ZNF749: variants seen among roughly 807,000 people sequenced by gnomAD.
ZNF749 encodes the protein zinc finger protein 749.
A neutral mutation model predicts 7.3 loss-of-function variants in ZNF749; 8 were observed. That is an observed-to-expected ratio of 1.10 (90% CI 0.64 to 1.98). The LOEUF (loss-of-function observed/expected upper bound fraction) is 1.98. ZNF749 is among the 30% of genes most tolerant of loss of function. The pLI is 0.00. For missense variants in ZNF749, 898 were observed against 932.4 expected, an observed-to-expected ratio of 0.96 and a Z score of 0.48; for synonymous variants, 310 against 322.4, an observed-to-expected ratio of 0.96 and a Z score of 0.41.
upstream of ZNF749, among the ~76,000 whole-genome samples, chr19:57,434,128 G>T (rs1250011077): frequency 6.6e-6 from 1 of 152,048 alleles, no homozygotes; most frequent in Non-Finnish European, 1.5e-5. Flanking sequence ...ACGGAGTTTC[G>T]CTCTTGTTGC....
In ZNF749 at chr19:57,442,182, A is replaced by G. The variant is rs1406527185; in HGVS notation, c.142+171A>G. On this transcript the variant is annotated intron_variant, in intron 2 of 2. Coordinates refer to ENST00000334181, the MANE Select transcript of ZNF749 (RefSeq NM_001023561.4). This position sits in a 1 kb window ranked among gnomAD's most constrained non-coding sequence, Gnocchi z 6.6. ...AGAGCTGGGCTGTGTATACTGTACC[A>G]CCTCCCCTTAAGCAGCCCCAGCTTC... is the stretch of plus-strand genomic sequence containing the variant. Among the ~76,000 whole-genome samples, 1 of 151,744 alleles carries G rather than the reference A, an allele frequency of 6.6e-6. No homozygotes were observed. Among genetic ancestry groups the G allele is most frequent in the Non-Finnish European group, 1.5e-5 (1 of 67,956 alleles).
Position 57,444,332 on chromosome 19 carries a change from C to G in ZNF749, c.1184C>G (p.Ser395Cys), listed in dbSNP as rs144605370. ...SICGKFFSHR[S>C]TLNMHQRVHA... ...TGTGGAAAATTCTTTAGTCACCGCT[C>G]CACACTCAATATGCACCAGAGAGTT... The change falls in exon 3 of 3, where the codon TCC (serine) becomes TGC (cysteine). Residue 395 changes from serine to cysteine, a missense_variant. By Grantham distance (112) the Ser-to-Cys change is moderately radical. Transcript: ENST00000334181. The G allele has an allele frequency of 1.9e-6, 3 of 1,614,124 alleles. No individual in the cohort carries two copies. In the African/African-American group the frequency reaches 4.0e-5, roughly 22 times the overall value.
At position 57,444,848 on chromosome 19, in the gene ZNF749, C is replaced by G; in HGVS notation, c.1700C>G (p.Thr567Arg). Residue 567 changes from threonine (T) to arginine (R), a missense_variant, in exon 3 of 3, where the codon ACA (threonine) becomes AGA (arginine). Thr to Arg is a moderately conservative substitution (Grantham distance 71, BLOSUM62 -1). Transcript: ENST00000334181. ...AGTGAATGTGGGAAGGCCTTCCTTA[C>G]ACAGGCTCATCTAGATGGTCACCAG... Reference protein sequence around the residue: ...VCSECGKAFLTQAHLDGHQKI... With the variant: ...VCSECGKAFLRQAHLDGHQKI... 1 of 1,614,064 alleles carries G rather than the reference C, an allele frequency of 6.2e-7. No individual in the cohort carries two copies. The highest frequency in any genetic ancestry group is 8.5e-7 in the Non-Finnish European group (1 of 1,179,956).
chr19:57,442,004 A>G lies in ZNF749; in HGVS notation c.135A>G (p.Ser45=). The G allele has an allele frequency of 6.2e-7, 1 of 1,614,024 alleles. No homozygotes were observed. Among genetic ancestry groups the G allele is most frequent in the African/African-American group, 1.3e-5 (1 of 75,016 alleles). ...TGTTGGAGAACTTTGCGCTTTTGTC[A>G]TCAGTAGGTAAGGCCTTCATACCTA... is the stretch of plus-strand genomic sequence containing the variant. ...NVMLENFALL[S]SVGCWHGAKD... The change falls in exon 2 of 3, where the codon TCA becomes TCG. Residue 45 remains serine, a synonymous_variant. Coordinates refer to ENST00000334181, the MANE Select transcript of ZNF749 (RefSeq NM_001023561.4). The surrounding 1 kb of genome is among the most constrained non-coding windows in gnomAD (Gnocchi z 6.6).
rs1461431395 is a variant in ZNF749, at chr19:57,444,565, C to T, written c.1417C>T (p.His473Tyr). The change falls in exon 3 of 3, where the codon CAC becomes TAC. Residue 473 changes from histidine (H) to tyrosine (Y), a missense_variant. His to Tyr is a moderately conservative substitution (Grantham distance 83). Transcript: ENST00000334181. The stretch of plus-strand genomic sequence containing the variant: ...TTCAAAAAGGTCTGACCTCATTCAA[C>T]ACAAGAGGATTGACATTAGGCCAAG... ...AFSKRSDLIQHKRIDIRPRPY... is the reference protein window; with the variant it reads ...AFSKRSDLIQYKRIDIRPRPY... The T allele has an allele frequency of 1.2e-6, 2 of 1,613,492 alleles. No individual in the cohort carries two copies. The highest frequency in any genetic ancestry group is 8.5e-7 in the Non-Finnish European group (1 of 1,179,898).
upstream of ZNF749, chr19:57,435,253 G>A (rs2088922024): frequency 1.1e-5 from 6 of 533,596 alleles, no homozygotes; most frequent in Admixed American, 1.3e-4. Context: ...AGACACTGCG[G>A]GGGCAGGGCA....
At position 57,444,272 on chromosome 19, in the gene ZNF749, T is replaced by G; in HGVS notation, c.1124T>G (p.Val375Gly). 6.2e-7 allele frequency: 1 copy of G among 1,613,832 alleles called. No homozygotes were observed. Residue 375 changes from valine to glycine, a missense_variant, in exon 3 of 3, where the codon GTT becomes GGT. Coordinates refer to ENST00000334181, the MANE Select transcript of ZNF749 (RefSeq NM_001023561.4). ...DSFTLGRHQRVHTGERPFECS... is the reference protein window; with the variant it reads ...DSFTLGRHQRGHTGERPFECS... ...TTCACACTCGGTAGACATCAGAGAG[T>G]TCATACTGGAGAAAGGCCTTTTGAA...
At chr19:57,443,040 T>C (rs1245979687) in intron 2 of ZNF749, among the ~76,000 whole-genome samples, 1 of 151,918 alleles carries the variant, frequency 6.6e-6, no homozygotes, top group Non-Finnish European at 1.5e-5. Flanking sequence ...TATAGAGGAG[T>C]GAGTTGGAGA....
chr19:57,431,091 G>GAGTTAGAT (rs1354995459), upstream of ZNF749, among the ~76,000 whole-genome samples: 4 of 150,624 alleles, frequency 2.7e-5, no homozygotes, highest in Non-Finnish European at 4.4e-5. Flanking sequence ...GGAAGTAGAA[G>GAGTTAGAT]AGTTAGATAT....
Position 57,442,265 on chromosome 19 carries a change from T to G in ZNF749, c.142+254T>G, listed in dbSNP as rs966620617. On this transcript the variant is annotated intron_variant, in intron 2 of 2. Coordinates refer to ENST00000334181, the MANE Select transcript of ZNF749 (RefSeq NM_001023561.4). The surrounding 1 kb of genome is among the most constrained non-coding windows in gnomAD (Gnocchi z 6.6). ...GAAGTCAGAAATCTTCAGGTTTCTT[T>G]AAGATATCCTAATGGCGGTGCCTGT... Among the ~76,000 whole-genome samples the G allele has an allele frequency of 1.3e-5, 2 of 152,316 alleles. No homozygotes were observed. The highest frequency in any genetic ancestry group is 3.9e-4 in the East Asian group (2 of 5,182).
At position 57,443,909 on chromosome 19, in the gene ZNF749, G is replaced by T. The variant is rs747407045; in HGVS notation, c.761G>T (p.Gly254Val). ...QNHAGERPYE[G>V]TEYGKTFIRK... ...CATGCTGGAGAAAGGCCTTATGAGGGCACTGAATATGGAAAGACCTTTATT... is the reference window on the plus strand; with the variant it reads ...CATGCTGGAGAAAGGCCTTATGAGGTCACTGAATATGGAAAGACCTTTATT... The change falls in exon 3 of 3, where the codon GGC becomes GTC. Residue 254 changes from glycine to valine, a missense_variant. Transcript: ENST00000334181. The T allele has an allele frequency of 1.9e-6, 3 of 1,613,788 alleles. No homozygotes were observed. In the East Asian group the frequency reaches 6.7e-5, roughly 36 times the overall value.
rs112811618 is a variant in ZNF749, at chr19:57,437,019, C to T, written c.15+1426C>T. ...GCTTTTTTTTTAAGGAAAAAAGAAGCAGTTTCTGAGTTGTTTACCAATAAC... is the reference window on the plus strand; with the variant it reads ...GCTTTTTTTTTAAGGAAAAAAGAAGTAGTTTCTGAGTTGTTTACCAATAAC... On this transcript the variant is annotated intron_variant, in intron 1 of 2. Transcript: ENST00000334181. Among the ~76,000 whole-genome samples, 311 of 152,078 alleles carry T rather than the reference C, an allele frequency of 2.0e-3. 1 individual carries two copies. Among genetic ancestry groups the T allele is most frequent in the African/African-American group, 7.0e-3 (289 of 41,474 alleles).
chr19:57,444,866 G>A lies in ZNF749; in HGVS notation c.1718G>A (p.Gly573Asp), dbSNP rs2089042739. 2 of 1,614,122 alleles carry A rather than the reference G, an allele frequency of 1.2e-6. No homozygotes were observed. The highest frequency in any genetic ancestry group is 1.7e-6 in the Non-Finnish European group (2 of 1,180,002). Residue 573 changes from glycine to aspartate, a missense_variant, in exon 3 of 3, where the codon GGT becomes GAT. Gly to Asp is a moderately conservative substitution (Grantham distance 94). Coordinates refer to ENST00000334181, the MANE Select transcript of ZNF749 (RefSeq NM_001023561.4). ...KAFLTQAHLD[G>D]HQKIQTGERR... is the part of the protein sequence containing the mutation. The stretch of plus-strand genomic sequence containing the variant: ...TTCCTTACACAGGCTCATCTAGATG[G>A]TCACCAGAAAATCCAGACTGGAGAA...
At chr19:57,441,115 C>CA (rs35321744) in intron 1 of ZNF749, among the ~76,000 whole-genome samples, 58,934 of 71,438 alleles carry the variant, frequency 0.82, 24,483 homozygotes, top group Non-Finnish European at 0.88. Context: ...ACTCTTGTCT[C>CA]AAAAAAAAAA....
At position 57,445,278 on chromosome 19, in the gene ZNF749, C is replaced by T. The variant is rs762777786; in HGVS notation, c.2130C>T (p.Ser710=). The change falls in exon 3 of 3, where the codon AGC becomes AGT. Residue 710 remains serine (S), a synonymous_variant. Transcript: ENST00000334181. Reference sequence around the variant, plus strand: ...GGGAATTGTTTAGGACTAAATCGAGCCTTATTATACATCAGCAGTCTCACA... The same window carrying T: ...GGGAATTGTTTAGGACTAAATCGAGTCTTATTATACATCAGCAGTCTCACA... ...KCRELFRTKS[S]LIIHQQSHTG... 2.2e-5 allele frequency: 36 copies of T among 1,613,496 alleles called. No individual in the cohort carries two copies. The highest frequency in any genetic ancestry group is 3.0e-5 in the Non-Finnish European group (35 of 1,179,826).
Position 57,435,359 on chromosome 19 carries a change from G to C in ZNF749, c.-220G>C. 1.5e-6 allele frequency: 1 copy of C among 656,696 alleles called. No individual in the cohort carries two copies. The highest frequency in any genetic ancestry group is 2.8e-5 in the East Asian group (1 of 36,346). The allele number at this position is 656,696 out of a possible 1,614,324, so 40.7% of individuals were successfully genotyped here. A position where few individuals can be genotyped will look rare whatever the true frequency, so the allele number is the denominator to read the frequency against. On this transcript the variant is annotated 5_prime_UTR_variant, in exon 1 of 3. The change abolishes an upstream ATG in the 5' untranslated region. Coordinates refer to ENST00000334181, the MANE Select transcript of ZNF749 (RefSeq NM_001023561.4). ...GGCGCCCTCATGGTTGCGTTAGCATGGCTACCTAGGGATCTGTTCACTGAT... is the reference window on the plus strand; with the variant it reads ...GGCGCCCTCATGGTTGCGTTAGCATCGCTACCTAGGGATCTGTTCACTGAT...
intron 1 of ZNF749, among the ~76,000 whole-genome samples, chr19:57,440,585 A>G (rs1404247566): frequency 6.6e-6 from 1 of 152,120 alleles, no homozygotes; most frequent in Non-Finnish European, 1.5e-5. Context: ...GCAGGACTCC[A>G]TGTACAGAGT....
intron 1 of ZNF749, 93 bp from the exon 2 acceptor site, chr19:57,441,792 C>CCTGCAAAA: frequency 6.6e-7 from 1 of 1,520,206 alleles, no homozygotes; most frequent in Non-Finnish European, 9.0e-7. Context: ...TAGTTTGGCC[C>CCTGCAAAA]TCCAATTCTT....
the ZNF749 span, among the ~76,000 whole-genome samples, chr19:57,428,974 AATATTCC>A: frequency 6.6e-6 from 1 of 152,166 alleles, no homozygotes; most frequent in African/African-American, 2.4e-5. Flanking sequence ...AAGGCTGAAT[AATATTCC>A]ATTGTATATA....
Sources: allele counts gnomAD v4.1 joint callset (sites outside exome capture counted in the v4.1 genomes callset), GRCh38; gene constraint gnomAD v4.1.1; non-coding constraint Gnocchi (gnomAD v3.1); transcripts MANE v1.5; gene names NCBI Gene and HGNC (gene_info 2026-07-23, HGNC 2026-07-21).